The following GUCY2C variants were observed in gnomAD, a reference collection of about 807,000 sequenced individuals.
The protein encoded by GUCY2C is guanylate cyclase 2C.
A neutral mutation model predicts 131.1 loss-of-function variants in GUCY2C; 118 were observed. The observed-to-expected ratio is 0.90, with a 90% CI of 0.78 to 1.05. GUCY2C has a LOEUF of 1.05. GUCY2C is among the 50% of genes least tolerant of loss of function. The probability of loss-of-function intolerance (pLI) is 0.00; values close to 1 mark genes in which losing one functional copy is unlikely to be tolerated. For synonymous variants in GUCY2C, 452 were observed against 457.8 expected (o/e 0.99, Z 0.16); for missense variants, 1,161 against 1,304.4 (o/e 0.89, Z 1.69).
chr12:14,642,950 G>A (rs1947439101), intron 17 of GUCY2C, among the ~76,000 whole-genome samples: 1 of 152,190 alleles, frequency 6.6e-6, no homozygotes, highest in African/African-American at 2.4e-5. Flanking sequence ...GGCAACATGA[G>A]TTCTAGATAT....
At chr12:14,661,224 T>C (rs1453401051) in intron 10 of GUCY2C, among the ~76,000 whole-genome samples, 162 bp from the exon 11 acceptor site, 1 of 152,202 alleles carries the variant, frequency 6.6e-6, no homozygotes, top group East Asian at 1.9e-4. Flanking sequence ...GTGTCCCTAC[T>C]CTCTGACAGC....
In GUCY2C at chr12:14,675,244, A is replaced by G. The variant is rs1223278316; in HGVS notation, c.949-484T>C. The stretch of plus-strand genomic sequence containing the variant: ...AAAAAAAAAAAGAAAAAAAGAAAGA[A>G]AGAAAGAAAAAAAACTCTTCCTTGG... On this transcript the variant is annotated intron_variant, in intron 7 of 26. Transcript: ENST00000261170. Among the ~76,000 whole-genome samples, 3 of 143,092 alleles carry G rather than the reference A, an allele frequency of 2.1e-5. No homozygotes were observed. In the Admixed American group the frequency reaches 2.2e-4, roughly 11 times the overall value. The allele number at this position is 143,092 out of a possible 152,430, so 93.9% of individuals were successfully genotyped here.
Position 14,672,962 on chromosome 12 carries a change from G to A in GUCY2C, c.1085-4C>T, listed in dbSNP as rs1465905248. 1 of 1,565,380 alleles carries A rather than the reference G, an allele frequency of 6.4e-7. No homozygotes were observed. The highest frequency in any genetic ancestry group is 1.4e-5 in the African/African-American group (1 of 73,934). On this transcript the variant is annotated splice_region_variant and splice_polypyrimidine_tract_variant and intron_variant, in intron 8 of 26. Coordinates refer to ENST00000261170, the MANE Select transcript of GUCY2C (RefSeq NM_004963.4). The stretch of plus-strand genomic sequence containing the variant: ...AAGGTCACTGGACCGTCATACCCTA[G>A]GGCAAGATCAGAGTATGTTAGAGGC...
intron 15 of GUCY2C, among the ~76,000 whole-genome samples, chr12:14,648,195 C>T (rs1458936762): frequency 4.0e-5 from 6 of 151,540 alleles, no homozygotes; most frequent in Non-Finnish European, 5.9e-5. Context: ...CTCCTGACCT[C>T]GTGTCCCACC....
At chr12:14,640,092 CAGT>C (rs1484111161) in intron 18 of GUCY2C, 142 bp from the exon 19 acceptor site, 1 of 632,058 alleles carries the variant, frequency 1.6e-6, no homozygotes, top group South Asian at 1.9e-5. Context: ...GACCAGCACT[CAGT>C]AGACAGGTGT....
Position 14,622,013 on chromosome 12 carries a change from C to T in GUCY2C, c.2593G>A (p.Val865Ile). The change falls in exon 22 of 27, where the codon GTC becomes ATC. Residue 865 changes from valine to isoleucine, a missense_variant. Val to Ile is a conservative substitution (Grantham distance 29). Transcript: ENST00000261170. ...SFDHIVDHHD[V>I]YKVETIGDAY... ...TTAGGTGATGTGGTTACCTTGTAGA[C>T]ATCATGATGATCAACAATGTGGTCA... 6.2e-7 allele frequency: 1 copy of T among 1,600,438 alleles called. No homozygotes were observed. Among genetic ancestry groups the T allele is most frequent in the East Asian group, 2.3e-5 (1 of 44,198 alleles).
intron 15 of GUCY2C, among the ~76,000 whole-genome samples, chr12:14,646,572 T>C (rs1279780268): frequency 6.6e-6 from 1 of 152,122 alleles, no homozygotes; most frequent in Non-Finnish European, 1.5e-5. Context: ...TGTGAAAAAA[T>C]TGCACAATAT....
chr12:14,685,794 G>A (rs1296110754), intron 3 of GUCY2C, among the ~76,000 whole-genome samples: 1 of 151,998 alleles, frequency 6.6e-6, no homozygotes, highest in Non-Finnish European at 1.5e-5. Context: ...TAGTACCCTG[G>A]GGTGTTGCAC....
At chr12:14,652,437 A>C (rs1947682846) in intron 13 of GUCY2C, among the ~76,000 whole-genome samples, 1 of 152,146 alleles carries the variant, frequency 6.6e-6, no homozygotes, top group African/African-American at 2.4e-5. Context: ...AGCCTCCCAA[A>C]GTCCTGGGAT....
At position 14,687,435 on chromosome 12, in the gene GUCY2C, C is replaced by T. The variant is rs11056099; in HGVS notation, c.330+516G>A. On this transcript the variant is annotated intron_variant, in intron 2 of 26. Transcript: ENST00000261170. ...AGGAGTTTGAGACCAGCCTGAGCAA[C>T]GTGGTGAAACCCTGTCTCTACAAAT... Among the ~76,000 whole-genome samples, 234 of 152,190 alleles carry T rather than the reference C, an allele frequency of 1.5e-3. 3 individuals are homozygous for T. The highest frequency in any genetic ancestry group is 0.015 in the East Asian group (75 of 5,172).
intron 15 of GUCY2C, among the ~76,000 whole-genome samples, chr12:14,646,697 T>C (rs1033017300): frequency 3.9e-5 from 6 of 152,186 alleles, no homozygotes; most frequent in Non-Finnish European, 8.8e-5. Flanking sequence ...ATAAATATTA[T>C]AAAAGTGGGA....
chr12:14,664,127 T>C (rs547249418), intron 10 of GUCY2C, among the ~76,000 whole-genome samples: 2 of 152,336 alleles, frequency 1.3e-5, no homozygotes, highest in South Asian at 2.1e-4. Flanking sequence ...AAATTTTCAA[T>C]GGTGAAAATG....
intron 25 of GUCY2C, among the ~76,000 whole-genome samples, chr12:14,615,417 C>T (rs1050466999): frequency 1.3e-5 from 2 of 151,894 alleles, no homozygotes; most frequent in African/African-American, 2.4e-5. Context: ...CAATTAAGAA[C>T]TCATTAAGTG....
At chr12:14,658,549 G>A (rs577293615) in intron 11 of GUCY2C, among the ~76,000 whole-genome samples, 6 of 152,074 alleles carry the variant, frequency 3.9e-5, no homozygotes, top group African/African-American at 9.7e-5. Flanking sequence ...GGTGGTACAC[G>A]CCTGTAATTG....
intron 1 of GUCY2C, 35 bp from the exon 2 acceptor site, chr12:14,688,098 G>A (rs770104714): frequency 1.8e-5 from 22 of 1,254,528 alleles, no homozygotes; most frequent in South Asian, 1.4e-4. Flanking sequence ...TAGAACACTA[G>A]TGTTATTTTT....
chr12:14,639,386 C>A (rs529884306), intron 19 of GUCY2C, among the ~76,000 whole-genome samples: 1 of 151,382 alleles, frequency 6.6e-6, no homozygotes, highest in South Asian at 2.1e-4. Flanking sequence ...TGGAAAGGCA[C>A]GGAGAATGCG....
In GUCY2C at chr12:14,696,272, A is replaced by G; in HGVS notation, c.177T>C (p.Asn59=). Residue 59 remains asparagine (N), a synonymous_variant, in exon 1 of 27, where the codon AAT becomes AAC. Transcript: ENST00000261170. The part of the protein sequence containing the change: ...EPLKNLEDAV[N]EGLEIVRGRL... ...GTCCTCTCACTATTTCCAGCCCCTC[A>G]TTCACCGCATCTTCCAAGTTTTTCA... 2 of 1,614,074 alleles carry G rather than the reference A, an allele frequency of 1.2e-6. No individual in the cohort carries two copies. Among genetic ancestry groups the G allele is most frequent in the Non-Finnish European group, 1.7e-6 (2 of 1,179,992 alleles).
chr12:14,645,980 C>T lies in GUCY2C; in HGVS notation c.1711-665G>A, dbSNP rs188619623. On this transcript the variant is annotated intron_variant, in intron 15 of 26. Coordinates refer to ENST00000261170, the MANE Select transcript of GUCY2C (RefSeq NM_004963.4). ...CCTGCTGAGTAGCTGGGATTACAGG[C>T]GCATGCCACTATGCCCAGCTAACTT... is the stretch of plus-strand genomic sequence containing the variant. 2.0e-3 allele frequency among the ~76,000 whole-genome samples: 301 copies of T among 152,126 alleles called. 2 individuals are homozygous for T. The highest frequency in any genetic ancestry group is 3.1e-3 in the Non-Finnish European group (213 of 67,996).
At chr12:14,625,942 CTT>C (rs770689448) in intron 20 of GUCY2C, 27 bp from the exon 21 acceptor site, 27 of 1,362,548 alleles carry the variant, frequency 2.0e-5, no homozygotes, top group Non-Finnish European at 2.6e-5. Context: ...ATAAAGAGCT[CTT>C]ATATATTATT....
Sources: gnomAD v4.1 joint callset for allele counts (sites outside exome capture counted in the v4.1 genomes callset) on GRCh38, gnomAD v4.1.1 for gene constraint, MANE v1.5 for transcripts, NCBI Gene and HGNC (gene_info 2026-07-23, HGNC 2026-07-21) for gene names.